The following MACC1 variants were observed in gnomAD, a reference collection of about 807,000 sequenced individuals.
The protein encoded by MACC1 is metastasis-associated in colon cancer protein 1.
MACC1 carries 79 observed loss-of-function variants against 70.7 expected under a neutral mutation model. The ratio of observed to expected loss-of-function variants is 1.12; its 90% CI spans 0.93 to 1.35. MACC1 has a LOEUF of 1.35. Ranked by LOEUF, MACC1 falls within the 40% of genes most tolerant of loss-of-function variation. MACC1 has a pLI of 0.00. For synonymous variants in MACC1, 361 were observed against 347.2 expected (o/e 1.04, Z -0.44); for missense variants, 1,106 against 978.1 (o/e 1.13, Z -1.74).
At chr7:20,197,985 T>A (rs1467651090) in intron 1 of MACC1, among the ~76,000 whole-genome samples, 3 of 152,218 alleles carry the variant, frequency 2.0e-5, no homozygotes, top group African/African-American at 7.2e-5. Context: ...ACAATTTCAA[T>A]GATCCTAAGA....
chr7:20,156,478 TA>T (rs1198812378), intron 5 of MACC1, among the ~76,000 whole-genome samples: 2 of 152,112 alleles, frequency 1.3e-5, no homozygotes, highest in South Asian at 2.1e-4. Context: ...TTTAGGCCAC[TA>T]AAAAAACAAA....
chr7:20,165,501 T>G (rs1023297021), intron 2 of MACC1, among the ~76,000 whole-genome samples: 8 of 149,068 alleles, frequency 5.4e-5, no homozygotes, highest in Admixed American at 1.4e-4. Context: ...TAAATCTAAA[T>G]TTTTTTCTAT....
chr7:20,210,708 G>A (rs1195280572), intron 1 of MACC1, among the ~76,000 whole-genome samples: 2 of 152,124 alleles, frequency 1.3e-5, no homozygotes, highest in Non-Finnish European at 2.9e-5. Flanking sequence ...AATGAGGAGG[G>A]ATGGCATCTT....
At chr7:20,189,679 C>T (rs1283245344) in intron 1 of MACC1, among the ~76,000 whole-genome samples, 2 of 151,460 alleles carry the variant, frequency 1.3e-5, no homozygotes, top group Non-Finnish European at 2.9e-5. Context: ...TAGTTCTAGG[C>T]CAGCGTAGGA....
Position 20,135,310 on chromosome 7 carries a change from A to G in MACC1, c.*5636T>C, listed in dbSNP as rs1781705187. On this transcript the variant is annotated 3_prime_UTR_variant, in exon 7 of 7. Coordinates refer to ENST00000400331, the MANE Select transcript of MACC1 (RefSeq NM_182762.4). ...GTTTCACAGTCAAAATTATTTTTGTAGGCCTTTATTAACTCATGAAAAGTT... is the reference window on the plus strand; with the variant it reads ...GTTTCACAGTCAAAATTATTTTTGTGGGCCTTTATTAACTCATGAAAAGTT... The G allele has an allele frequency of 6.6e-6, 1 of 152,262 alleles. No homozygotes were observed. Among genetic ancestry groups the G allele is most frequent in the Non-Finnish European group, 1.5e-5 (1 of 68,046 alleles). The allele number at this position is 152,262 out of a possible 1,614,324, so 9.4% of individuals were successfully genotyped here.
At chr7:20,209,243 T>C (rs974666590) in intron 1 of MACC1, among the ~76,000 whole-genome samples, 5 of 152,286 alleles carry the variant, frequency 3.3e-5, no homozygotes, top group African/African-American at 9.6e-5. Flanking sequence ...GGACCAAGAA[T>C]GGTAAATCTA....
intron 6 of MACC1, 49 bp from the exon 7 acceptor site, chr7:20,141,207 G>A: frequency 3.1e-6 from 4 of 1,305,394 alleles, no homozygotes; most frequent in Middle Eastern, 1.9e-4. Context: ...AGAAAGGAGA[G>A]GAAAATCGTT....
chr7:20,170,296 ATTG>A (rs900095401), intron 2 of MACC1: 4 of 152,264 alleles, frequency 2.6e-5, no homozygotes, highest in Non-Finnish European at 5.9e-5. Flanking sequence ...TTTTTAAAAA[ATTG>A]TTGTAAATAT....
rs1782023258 is a variant in MACC1, at chr7:20,154,287, C to T, written c.2252G>A (p.Arg751Lys). The change falls in exon 6 of 7, where the codon AGG (arginine) becomes AAG (lysine). Residue 751 changes from arginine to lysine, a missense_variant. Transcript: ENST00000400331. ...TSAVKLGKGW[R>K]ELAEKLVRLT... Reference sequence around the variant, plus strand: ...TCGTACTAACTTTTCAGCTAGTTCCCTCCAGCCTTTTCCAAGCTTGACAGC... The same window carrying T: ...TCGTACTAACTTTTCAGCTAGTTCCTTCCAGCCTTTTCCAAGCTTGACAGC... 1 of 1,613,810 alleles carries T rather than the reference C, an allele frequency of 6.2e-7. No homozygotes were observed. Among genetic ancestry groups the T allele is most frequent in the African/African-American group, 1.3e-5 (1 of 74,894 alleles).
In MACC1 at chr7:20,163,936, T is replaced by A. The variant is rs117775933; in HGVS notation, c.-9+320A>T. Among the ~76,000 whole-genome samples, 1,072 of 152,310 alleles carry A rather than the reference T, an allele frequency of 7.0e-3. 26 individuals are homozygous for A. Among genetic ancestry groups the A allele is most frequent in the Admixed American group, 0.038 (580 of 15,300 alleles). On this transcript the variant is annotated intron_variant, in intron 3 of 6. Coordinates refer to ENST00000400331, the MANE Select transcript of MACC1 (RefSeq NM_182762.4). ...TTTCCAGTTATTTTTTAAATTATCA[T>A]TATTTGTTTATTTATTCAGAGATGA...
chr7:20,202,588 C>T (rs554612287), intron 1 of MACC1, among the ~76,000 whole-genome samples: 5 of 152,258 alleles, frequency 3.3e-5, no homozygotes, highest in African/African-American at 7.2e-5. Context: ...TTCCACTATG[C>T]TTTATGAGAA....
rs986636651 is a variant in MACC1, at chr7:20,136,750, T to C, written c.*4196A>G. 1.3e-5 allele frequency: 2 copies of C among 152,002 alleles called. No individual in the cohort carries two copies. The highest frequency in any genetic ancestry group is 4.8e-5 in the African/African-American group (2 of 41,438). The allele number at this position is 152,002 out of a possible 1,614,324, so 9.4% of individuals were successfully genotyped here. ...CAGCAGCATGTGGGAGAAAAGTTCA[T>C]ACAGAAGGAGGAGGGACTTACTTCT... On this transcript the variant is annotated 3_prime_UTR_variant, in exon 7 of 7. Transcript: ENST00000400331.
At chr7:20,209,676 G>A (rs139065136) in intron 1 of MACC1, among the ~76,000 whole-genome samples, 1 of 152,310 alleles carries the variant, frequency 6.6e-6, no homozygotes, top group Non-Finnish European at 1.5e-5. Context: ...ATGAGTTAAG[G>A]CTTTGGGGGG....
At chr7:20,152,478 C>G (rs995915533) in intron 6 of MACC1, among the ~76,000 whole-genome samples, 1 of 152,086 alleles carries the variant, frequency 6.6e-6, no homozygotes, top group Non-Finnish European at 1.5e-5. Context: ...TGACCTCGTA[C>G]GTAAGATTTC....
chr7:20,196,296 T>C (rs1270758705), intron 1 of MACC1, among the ~76,000 whole-genome samples: 4 of 152,168 alleles, frequency 2.6e-5, no homozygotes, highest in Non-Finnish European at 4.4e-5. Flanking sequence ...TTCTCCTGCC[T>C]CAGCCTCCAG....
At position 20,156,076 on chromosome 7, in the gene MACC1, T is replaced by C. The variant is rs554147079; in HGVS notation, c.2158-1695A>G. On this transcript the variant is annotated intron_variant, in intron 5 of 6. Transcript: ENST00000400331. ...CTGAAGTGCTTTAGAGAGTGTCAAGTATATAAGGACAGCCAGTCTCAATGT... is the reference window on the plus strand; with the variant it reads ...CTGAAGTGCTTTAGAGAGTGTCAAGCATATAAGGACAGCCAGTCTCAATGT... Among the ~76,000 whole-genome samples the C allele has an allele frequency of 2.6e-5, 4 of 152,286 alleles. No individual in the cohort carries two copies. The South Asian group carries it at 6.2e-4, about 24-fold the overall frequency.
intron 1 of MACC1, among the ~76,000 whole-genome samples, chr7:20,186,478 T>G (rs1282796669): frequency 6.6e-6 from 1 of 152,132 alleles, no homozygotes; most frequent in African/African-American, 2.4e-5. Flanking sequence ...AAATGTAGCA[T>G]AATATTGAAA....
At chr7:20,147,130 G>A (rs1399820239) in intron 6 of MACC1, among the ~76,000 whole-genome samples, 1 of 152,108 alleles carries the variant, frequency 6.6e-6, no homozygotes, top group Non-Finnish European at 1.5e-5. Context: ...GCAATAAAAA[G>A]TAATAAGTGG....
rs780851274 is a variant in MACC1, at chr7:20,158,636, C to A, written c.1725G>T (p.Gly575=). The change falls in exon 5 of 7, where the codon GGG becomes GGT. Residue 575 remains glycine (G), a synonymous_variant. Coordinates refer to ENST00000400331, the MANE Select transcript of MACC1 (RefSeq NM_182762.4). Reference sequence around the variant, plus strand: ...CTTCCCCGAGGAGAGCTATTGTGTCCCCTTTGAAATATTCAAGGAAGTAAT... The same window carrying A: ...CTTCCCCGAGGAGAGCTATTGTGTCACCTTTGAAATATTCAAGGAAGTAAT... The part of the protein sequence containing the change: ...KIDYFLEYFK[G]DTIALLGEGK... 2 of 1,613,942 alleles carry A rather than the reference C, an allele frequency of 1.2e-6. No individual in the cohort carries two copies. The highest frequency in any genetic ancestry group is 3.3e-5 in the Admixed American group (2 of 59,988).
Sources: allele counts gnomAD v4.1 joint callset (sites outside exome capture counted in the v4.1 genomes callset), GRCh38; gene constraint gnomAD v4.1.1; transcripts MANE v1.5; gene names NCBI Gene and HGNC (gene_info 2026-07-23, HGNC 2026-07-21).